The following TBX18 variants were observed in gnomAD, a reference collection of about 807,000 sequenced individuals.
TBX18 encodes the protein T-box transcription factor 18.
A neutral mutation model predicts 55.0 loss-of-function variants in TBX18; 21 were observed. That is an observed-to-expected ratio of 0.38 (90% CI 0.27 to 0.55). The LOEUF (loss-of-function observed/expected upper bound fraction) is 0.55, where lower values mean the gene tolerates loss of function less well. Ranked by LOEUF, TBX18 falls within the 20% of genes least tolerant of loss-of-function variation. The probability of loss-of-function intolerance (pLI) is 0.73; values close to 1 mark genes in which losing one functional copy is unlikely to be tolerated. For synonymous variants in TBX18, 342 were observed against 326.1 expected (o/e 1.05, Z -0.53); for missense variants, 840 against 799.6 (o/e 1.05, Z -0.61).
chr6:84,762,761 G>C lies in TBX18; in HGVS notation c.293-13C>G. ...TCCTCACAGCCGCCTGGACAGCAAAGGACAGAGAAAGGGAACTGGTGAGGG... is the reference window on the plus strand; with the variant it reads ...TCCTCACAGCCGCCTGGACAGCAAACGACAGAGAAAGGGAACTGGTGAGGG... On this transcript the variant is annotated splice_polypyrimidine_tract_variant and intron_variant, in intron 1 of 7. Transcript: ENST00000369663. 1 of 1,583,974 alleles carries C rather than the reference G, an allele frequency of 6.3e-7. No individual in the cohort carries two copies. Among genetic ancestry groups the C allele is most frequent in the Non-Finnish European group, 8.6e-7 (1 of 1,165,642 alleles).
At chr6:84,762,413 TG>T in intron 2 of TBX18, 130 bp downstream of exon 2, 2 of 1,098,882 alleles carry the variant, frequency 1.8e-6, no homozygotes, top group South Asian at 1.3e-5. Flanking sequence ...GTCTGGGGCC[TG>T]GTCCCGTTTG....
chr6:84,738,391 A>T, intron 7 of TBX18, 106 bp downstream of exon 7: 1 of 888,020 alleles, frequency 1.1e-6, no homozygotes, highest in African/African-American at 1.6e-5. Flanking sequence ...AATGCTGGTG[A>T]TGAGGTCATT....
At chr6:84,755,017 C>T (rs1446505137) in intron 4 of TBX18, among the ~76,000 whole-genome samples, 2 of 152,100 alleles carry the variant, frequency 1.3e-5, no homozygotes, top group Non-Finnish European at 2.9e-5. Context: ...GTTTTTCTCT[C>T]TTTCTTTCTC....
At position 84,747,991 on chromosome 6, in the gene TBX18, C is replaced by T. The variant is rs200742037; in HGVS notation, c.868G>A (p.Gly290Arg). 5,169 of 1,613,288 alleles carry T rather than the reference C, an allele frequency of 3.2e-3. 200 individuals are homozygous for T. The South Asian group carries it at 0.054, about 17-fold the overall frequency. Residue 290 changes from glycine (G) to arginine (R), a missense_variant, in exon 5 of 8, where the codon GGG becomes AGG. By Grantham distance (125) the Gly-to-Arg change is moderately radical. Coordinates refer to ENST00000369663, the MANE Select transcript of TBX18 (RefSeq NM_001080508.3). The part of the protein sequence containing the change: ...DLSPIKPVPS[G>R]EGVKAFSFPE... Reference sequence around the variant, plus strand: ...AAGGAGAATGCCTTTACTCCCTCCCCGGATGGAACAGGCTTGATGGGAGAA... The same window carrying T: ...AAGGAGAATGCCTTTACTCCCTCCCTGGATGGAACAGGCTTGATGGGAGAA...
intron 5 of TBX18, among the ~76,000 whole-genome samples, chr6:84,744,570 A>C (rs1032132416): frequency 2.6e-5 from 4 of 152,132 alleles, no homozygotes; most frequent in South Asian, 2.1e-4. Flanking sequence ...AATAGATATA[A>C]GTTAGTTTTG....
In TBX18 at chr6:84,744,267, C is replaced by A; in HGVS notation, c.998G>T (p.Arg333Leu). ...GGTCTTCACTAAGGCCCACCTGTTG[C>A]GCCCGGAGTCTCGGAAGCCTTTAGC... ...PFAKGFRDSG[R>L]NRMGLEALVE... Residue 333 changes from arginine (R) to leucine (L), a missense_variant, in exon 6 of 8, where the codon CGC (arginine) becomes CTC (leucine). By Grantham distance (102) the Arg-to-Leu change is moderately radical (BLOSUM62 -2). Coordinates refer to ENST00000369663, the MANE Select transcript of TBX18 (RefSeq NM_001080508.3). 6.2e-7 allele frequency: 1 copy of A among 1,612,168 alleles called. No homozygotes were observed. The highest frequency in any genetic ancestry group is 8.5e-7 in the Non-Finnish European group (1 of 1,178,846).
At chr6:84,743,539 G>A (rs934018075) in intron 6 of TBX18, among the ~76,000 whole-genome samples, 2 of 152,154 alleles carry the variant, frequency 1.3e-5, no homozygotes, top group African/African-American at 4.8e-5. Flanking sequence ...TTGCAGAACT[G>A]TAGTCTATTA....
At chr6:84,752,508 A>G (rs1181489910) in intron 4 of TBX18, among the ~76,000 whole-genome samples, 1 of 152,210 alleles carries the variant, frequency 6.6e-6, no homozygotes, top group Non-Finnish European at 1.5e-5. Context: ...TGTTTTACGC[A>G]TGATGCTGTA....
intron 5 of TBX18, among the ~76,000 whole-genome samples, chr6:84,744,742 C>G (rs1349031653): frequency 6.6e-6 from 1 of 152,144 alleles, no homozygotes; most frequent in Non-Finnish European, 1.5e-5. Flanking sequence ...TCGTATCCAA[C>G]TTCTATTTAA....
At chr6:84,754,252 T>A (rs1392972866) in intron 4 of TBX18, among the ~76,000 whole-genome samples, 1 of 152,190 alleles carries the variant, frequency 6.6e-6, no homozygotes, top group Non-Finnish European at 1.5e-5. Flanking sequence ...CAGCTTTGCA[T>A]CTTTTACCAT....
intron 3 of TBX18, 85 bp from the exon 4 acceptor site, chr6:84,756,954 TTTTG>T: frequency 7.7e-7 from 1 of 1,302,688 alleles, no homozygotes; most frequent in Non-Finnish European, 1.1e-6. Context: ...TGTGTGCCTA[TTTTG>T]TTTCAGTTTT....
At chr6:84,751,689 C>G (rs944357789) in intron 4 of TBX18, among the ~76,000 whole-genome samples, 1 of 152,168 alleles carries the variant, frequency 6.6e-6, no homozygotes, top group Non-Finnish European at 1.5e-5. Flanking sequence ...CCATGCTGCA[C>G]ACTTGCACAG....
rs764087799 is a variant in TBX18, at chr6:84,760,251, G to C, written c.599+4C>G. Reference sequence around the variant, plus strand: ...TTTAATTGTTCAGTATCTAATCACTGTACCTGTATCTTTTGTTGTCCACTG... The same window carrying C: ...TTTAATTGTTCAGTATCTAATCACTCTACCTGTATCTTTTGTTGTCCACTG... On this transcript the variant is annotated splice_donor_region_variant and intron_variant, in intron 3 of 7. Coordinates refer to ENST00000369663, the MANE Select transcript of TBX18 (RefSeq NM_001080508.3). The C allele has an allele frequency of 3.2e-6, 5 of 1,557,774 alleles. No individual in the cohort carries two copies.
intron 3 of TBX18, 44 bp from the exon 4 acceptor site, chr6:84,756,913 G>C (rs1478220440): frequency 1.3e-5 from 21 of 1,578,410 alleles, no homozygotes; most frequent in Non-Finnish European, 1.8e-5. Flanking sequence ...TTTTTATCTT[G>C]GCATGTCCAA....
Position 84,737,112 on chromosome 6 carries a change from A to T in TBX18, c.1397T>A (p.Val466Glu). 6.2e-7 allele frequency: 1 copy of T among 1,614,186 alleles called. No individual in the cohort carries two copies. The highest frequency in any genetic ancestry group is 8.5e-7 in the Non-Finnish European group (1 of 1,180,028). The change falls in exon 8 of 8, where the codon GTG (valine) becomes GAG (glutamate). Residue 466 changes from valine to glutamate, a missense_variant. Physicochemically the swap from Val to Glu is moderately radical, Grantham distance 121. Coordinates refer to ENST00000369663, the MANE Select transcript of TBX18 (RefSeq NM_001080508.3). Reference protein sequence around the residue: ...SYVGVSSSTSVNMSMGGTDGD... With the variant: ...SYVGVSSSTSENMSMGGTDGD... ...ATCAGTGCCACCCATGGACATGTTC[A>T]CGGAGGTGCTGCTGCTCACGCCCAC... is the stretch of plus-strand genomic sequence containing the variant.
At chr6:84,749,637 G>A (rs1767289306) in intron 4 of TBX18, among the ~76,000 whole-genome samples, 1 of 151,940 alleles carries the variant, frequency 6.6e-6, no homozygotes, top group African/African-American at 2.4e-5. Flanking sequence ...ATCACCTGAG[G>A]ACACAAGCAA....
rs1767757134 is a variant in TBX18, at chr6:84,764,286, C to A, written c.-105G>T. On this transcript the variant is annotated 5_prime_UTR_variant, in exon 1 of 8. Transcript: ENST00000369663. ...AAAAACTAAAAGGCTCTCGGGGCCT[C>A]CCGAGATCTGCCCCCTTCCCCACCG... 7.5e-7 allele frequency: 1 copy of A among 1,325,300 alleles called. No individual in the cohort carries two copies. Among genetic ancestry groups the A allele is most frequent in the Non-Finnish European group, 9.7e-7 (1 of 1,031,484 alleles). 82.1% of individuals were successfully genotyped at this position (1,325,300 alleles called of 1,614,324 possible).
rs1304986770 is a variant in TBX18, at chr6:84,763,071, C to A, written c.293-323G>T. 8.8e-6 allele frequency: 4 copies of A among 455,206 alleles called. No individual in the cohort carries two copies. The East Asian group carries it at 1.4e-4, about 15-fold the overall frequency. 28.2% of individuals were successfully genotyped at this position (455,206 alleles called of 1,614,324 possible). A position where few individuals can be genotyped will look rare whatever the true frequency, so the allele number is the denominator to read the frequency against. On this transcript the variant is annotated intron_variant, in intron 1 of 7. Transcript: ENST00000369663. ...AGCAGAAAAGGCTTCACGCCGCCGC[C>A]GGGGTCTGGGACGCTTGCCCGACGG...
Position 84,762,607 on chromosome 6 carries a change from C to A in TBX18, c.434G>T (p.Gly145Val). ...SPQAPRVDLQ[G>V]AELWKRFHEI... ...ATGAAAGCGCTTCCAGAGCTCGGCT[C>A]CCTGCAGATCCACCCGCGGGGCCTG... is the stretch of plus-strand genomic sequence containing the variant. Residue 145 changes from glycine to valine, a missense_variant, in exon 2 of 8, where the codon GGA becomes GTA. Transcript: ENST00000369663. 6.2e-7 allele frequency: 1 copy of A among 1,613,626 alleles called. No homozygotes were observed. Among genetic ancestry groups the A allele is most frequent in the South Asian group, 1.1e-5 (1 of 91,052 alleles).
Sources: gnomAD v4.1 joint callset for allele counts (sites outside exome capture counted in the v4.1 genomes callset) on GRCh38, gnomAD v4.1.1 for gene constraint, MANE v1.5 for transcripts, NCBI Gene and HGNC (gene_info 2026-07-23, HGNC 2026-07-21) for gene names.